Variants in MRPL3 observed in about 807,000 individuals in gnomAD.
MRPL3 encodes mitochondrial ribosomal protein L3.
A neutral mutation model predicts 44.3 loss-of-function variants in MRPL3; 43 were observed. The observed-to-expected ratio is 0.97, with a 90% CI of 0.76 to 1.25. The LOEUF is 1.25. Ranked by LOEUF, MRPL3 falls within the 50% of genes most tolerant of loss-of-function variation. The pLI, the probability that MRPL3 is intolerant of heterozygous loss-of-function variation, is 0.00. For synonymous variants in MRPL3, 171 were observed against 152.3 expected, an observed-to-expected ratio of 1.12 and a Z score of -0.91; for missense variants, 406 against 427.6, an observed-to-expected ratio of 0.95 and a Z score of 0.45.
chr3:131,496,957 C>A (rs1934383131), intron 4 of MRPL3, among the ~76,000 whole-genome samples: 1 of 152,210 alleles, frequency 6.6e-6, no homozygotes, highest in Non-Finnish European at 1.5e-5. Context: ...CTTCTCTCCC[C>A]AAGCACACAT....
intron 4 of MRPL3, among the ~76,000 whole-genome samples, chr3:131,493,357 C>G (rs545079841): frequency 6.6e-5 from 10 of 152,346 alleles, no homozygotes; most frequent in African/African-American, 2.4e-4. Flanking sequence ...AGCAGCCTTA[C>G]CAGAGCACAT....
chr3:131,488,818 T>C (rs6768902), intron 5 of MRPL3: 17 of 152,182 alleles, frequency 1.1e-4, no homozygotes, highest in African/African-American at 3.8e-4. Flanking sequence ...GAAGAAAATA[T>C]AGAGATTTAA....
rs562003471 is a variant in MRPL3 at position 131,478,975 on chromosome 3, G to A, written c.630-7696C>T. The A allele has an allele frequency of 2.3e-4, 84 of 362,856 alleles. 1 individual carries two copies. The highest frequency in any genetic ancestry group is 1.7e-3 in the South Asian group (77 of 46,648). 22.5% of individuals were successfully genotyped at this position (362,856 alleles called of 1,614,324 possible). On this transcript the variant is annotated intron_variant, in intron 6 of 9. Coordinates refer to ENST00000264995, the MANE Select transcript of MRPL3 (RefSeq NM_007208.4). ...CCTAAAGTGCTGGGATTACAGGTGT[G>A]AGCCACTATGCCCAGCCCAAAATAT...
intron 6 of MRPL3, among the ~76,000 whole-genome samples, chr3:131,482,275 G>A (rs1934005527): frequency 1.3e-5 from 2 of 152,000 alleles, no homozygotes; most frequent in Non-Finnish European, 2.9e-5. Flanking sequence ...CCAGCACTTT[G>A]AGAGGCTGAG....
At chr3:131,492,030 CA>C (rs1934266465) in intron 4 of MRPL3, among the ~76,000 whole-genome samples, 1 of 152,102 alleles carries the variant, frequency 6.6e-6, no homozygotes, top group African/African-American at 2.4e-5. Context: ...ACACATCAAA[CA>C]CTAGCCTCAA....
At chr3:131,478,620 T>G (rs923934663) in intron 6 of MRPL3, among the ~76,000 whole-genome samples, 1 of 152,114 alleles carries the variant, frequency 6.6e-6, no homozygotes, top group African/African-American at 2.4e-5. Context: ...TCAAACACCC[T>G]TCATACTACA....
At chr3:131,500,315 C>T in intron 3 of MRPL3, 115 bp downstream of exon 3, 1 of 773,844 alleles carries the variant, frequency 1.3e-6, no homozygotes, top group South Asian at 1.6e-5. Flanking sequence ...TCAACATCAC[C>T]CCTTTCTTCA....
At chr3:131,496,807 T>G (rs1260613080) in intron 4 of MRPL3, among the ~76,000 whole-genome samples, 2 of 152,252 alleles carry the variant, frequency 1.3e-5, no homozygotes, top group African/African-American at 4.8e-5. Context: ...AACAAGTTAC[T>G]GACCTAGTTA....
chr3:131,466,027 G>A (rs1326282441), intron 9 of MRPL3, among the ~76,000 whole-genome samples: 1 of 151,496 alleles, frequency 6.6e-6, no homozygotes, highest in African/African-American at 2.4e-5. Flanking sequence ...TCAGCCTCCT[G>A]AGTAGCTGGA....
Position 131,502,830 on chromosome 3 carries a change from C to T in MRPL3, c.-9G>A, listed in dbSNP as rs745688141. 1 of 1,611,370 alleles carries T rather than the reference C, an allele frequency of 6.2e-7. No individual in the cohort carries two copies. Among genetic ancestry groups the T allele is most frequent in the East Asian group, 2.2e-5 (1 of 44,826 alleles). On this transcript the variant is annotated 5_prime_UTR_variant, in exon 1 of 10. Transcript: ENST00000264995. The stretch of plus-strand genomic sequence containing the variant: ...AGCCTCCAACCCGGCATGGATTAGC[C>T]CGGGAAGACTCGACTCACGACTTCC...
At chr3:131,498,701 CAAAAAAA>C (rs71133698) in intron 3 of MRPL3, among the ~76,000 whole-genome samples, 1 of 81,490 alleles carries the variant, frequency 1.2e-5, no homozygotes. Flanking sequence ...GACTCCGTCT[CAAAAAAA>C]AAAAAAAAAA....
chr3:131,487,803 A>G, intron 5 of MRPL3, 63 bp from the exon 6 acceptor site: 1 of 1,324,010 alleles, frequency 7.6e-7, no homozygotes, highest in Non-Finnish European at 1.1e-6. Flanking sequence ...ACTTTATTCA[A>G]CATAAACTAT....
intron 6 of MRPL3, 124 bp downstream of exon 6, chr3:131,487,556 T>C (rs1282075805): frequency 5.1e-6 from 4 of 788,672 alleles, no homozygotes; most frequent in Non-Finnish European, 6.1e-6. Context: ...AAGATTTGAA[T>C]TCAGAATGAG....
At position 131,485,519 on chromosome 3, in the gene MRPL3, C is replaced by T. The variant is rs56772665; in HGVS notation, c.629+2161G>A. ...ATTTACAACACACATATTTCCCCAA[C>T]TAACCAAATCAAAGCTTTTAAGCTC... On this transcript the variant is annotated intron_variant, in intron 6 of 9. Coordinates refer to ENST00000264995, the MANE Select transcript of MRPL3 (RefSeq NM_007208.4). Among the ~76,000 whole-genome samples, 3 of 152,258 alleles carry T rather than the reference C, an allele frequency of 2.0e-5. No individual in the cohort carries two copies. The East Asian group carries it at 5.8e-4, about 29-fold the overall frequency.
In MRPL3 at chr3:131,502,934, A is replaced by G; in HGVS notation, c.-113T>C. The G allele has an allele frequency of 1.0e-6, 1 of 992,686 alleles. No homozygotes were observed. The highest frequency in any genetic ancestry group is 1.6e-6 in the Non-Finnish European group (1 of 643,854). 61.5% of individuals were successfully genotyped at this position (992,686 alleles called of 1,614,324 possible). A position where few individuals can be genotyped will look rare whatever the true frequency, so the allele number is the denominator to read the frequency against. On this transcript the variant is annotated 5_prime_UTR_variant, in exon 1 of 10. Coordinates refer to ENST00000264995, the MANE Select transcript of MRPL3 (RefSeq NM_007208.4). The stretch of plus-strand genomic sequence containing the variant: ...GCAGTAGCCGTGGGGAAGTTTTCGC[A>G]ATGGCCGCCGGAACGGTCGCCGGCC...
At chr3:131,482,271 C>T (rs1233950877) in intron 6 of MRPL3, among the ~76,000 whole-genome samples, 1 of 152,078 alleles carries the variant, frequency 6.6e-6, no homozygotes, top group Non-Finnish European at 1.5e-5. Context: ...AATCCCAGCA[C>T]TTTGAGAGGC....
intron 5 of MRPL3, among the ~76,000 whole-genome samples, chr3:131,489,242 C>G (rs1424629097): frequency 1.3e-5 from 2 of 151,974 alleles, no homozygotes; most frequent in Non-Finnish European, 2.9e-5. Context: ...TTGTTTAATT[C>G]CATTTACCTT....
At chr3:131,472,717 A>G (rs1338482948) in intron 6 of MRPL3, among the ~76,000 whole-genome samples, 2 of 152,218 alleles carry the variant, frequency 1.3e-5, no homozygotes, top group African/African-American at 2.4e-5. Flanking sequence ...TAAATTCAGT[A>G]AAGTTGCAGG....
chr3:131,502,643 T>C lies in MRPL3; in HGVS notation c.92+87A>G, dbSNP rs545941130. ...ACGTCTCAACAGAGCCCCTTCCTCC[T>C]CCACCCAGGGGAGGCCCAACTGCAC... On this transcript the variant is annotated intron_variant, in intron 1 of 9. Transcript: ENST00000264995. 2.2e-5 allele frequency: 25 copies of C among 1,120,040 alleles called. 1 individual carries two copies. In the South Asian group the frequency reaches 3.4e-4, roughly 15 times the overall value. The allele number at this position is 1,120,040 out of a possible 1,614,324, so 69.4% of individuals were successfully genotyped here. A position where few individuals can be genotyped will look rare whatever the true frequency, so the allele number is the denominator to read the frequency against.
Sources: gnomAD v4.1 joint callset for allele counts (sites outside exome capture counted in the v4.1 genomes callset) on GRCh38, gnomAD v4.1.1 for gene constraint, MANE v1.5 for transcripts, NCBI Gene and HGNC (gene_info 2026-07-23, HGNC 2026-07-21) for gene names.